Variants in CSMD1 observed in about 807,000 individuals in gnomAD.
CSMD1 encodes the protein CUB and Sushi multiple domains 1.
In CSMD1, 213 loss-of-function variants were observed where a neutral mutation model predicts 417.5. The ratio of observed to expected loss-of-function variants is 0.51; its 90% CI spans 0.46 to 0.57. The LOEUF is 0.57. Among genes scored for constraint, CSMD1 ranks in the 20% least tolerant of loss-of-function variants. The pLI, the probability that CSMD1 is intolerant of heterozygous loss-of-function variation, is 0.00. For missense variants in CSMD1, 6,923 were observed against 4,529.7 expected, an observed-to-expected ratio of 1.53 and a Z score of -15.17; for synonymous variants, 2,862 against 1,736.8, an observed-to-expected ratio of 1.65 and a Z score of -16.11.
At chr8:4,695,715 T>C (rs1248113047) in intron 1 of CSMD1, among the ~76,000 whole-genome samples, 3 of 152,176 alleles carry the variant, frequency 2.0e-5, no homozygotes, top group African/African-American at 7.2e-5. Context: ...TACTTCAGGA[T>C]TTACCGTTGG....
At chr8:4,162,185 T>A (rs1157329316) in intron 3 of CSMD1, among the ~76,000 whole-genome samples, 4 of 152,214 alleles carry the variant, frequency 2.6e-5, no homozygotes, top group African/African-American at 9.6e-5. Context: ...GCGCAACTTT[T>A]CTTTCCAAAA....
At chr8:2,944,132 C>A (rs536410677) in intron 68 of CSMD1, among the ~76,000 whole-genome samples, 1 of 152,040 alleles carries the variant, frequency 6.6e-6, no homozygotes, top group Non-Finnish European at 1.5e-5. Context: ...AGATCTGCCC[C>A]ACCATCACGC....
chr8:3,418,984 GA>G (rs1247895589), intron 12 of CSMD1, among the ~76,000 whole-genome samples: 1 of 152,170 alleles, frequency 6.6e-6, no homozygotes, highest in Non-Finnish European at 1.5e-5. Context: ...ATTTAGTCCT[GA>G]AAAATCATCT....
chr8:3,667,797 C>A (rs779601842), intron 7 of CSMD1, among the ~76,000 whole-genome samples: 1 of 152,140 alleles, frequency 6.6e-6, no homozygotes, highest in Non-Finnish European at 1.5e-5. Flanking sequence ...ATCATGGAAA[C>A]AGAAGACCCA....
intron 1 of CSMD1, among the ~76,000 whole-genome samples, chr8:4,751,918 G>C (rs1370110270): frequency 2.0e-5 from 3 of 152,132 alleles, no homozygotes; most frequent in Non-Finnish European, 4.4e-5. Context: ...TAGTTCCAGA[G>C]TCAGGAAGAT....
chr8:3,444,181 A>G (rs558524527), intron 12 of CSMD1, among the ~76,000 whole-genome samples: 2 of 152,306 alleles, frequency 1.3e-5, no homozygotes, highest in South Asian at 2.1e-4. Context: ...TAATGTTGAA[A>G]TATCATTTGC....
At chr8:3,580,743 T>C (rs1800347520) in intron 9 of CSMD1, among the ~76,000 whole-genome samples, 1 of 152,138 alleles carries the variant, frequency 6.6e-6, no homozygotes, top group South Asian at 2.1e-4. Context: ...GGTTACCTGA[T>C]CAAATACACA....
chr8:4,806,802 C>T (rs1476332479), intron 1 of CSMD1, among the ~76,000 whole-genome samples: 1 of 152,104 alleles, frequency 6.6e-6, no homozygotes, highest in Non-Finnish European at 1.5e-5. Context: ...CTTAAATTCT[C>T]ATGCTATGAA....
intron 3 of CSMD1, among the ~76,000 whole-genome samples, chr8:4,391,564 C>A (rs1222812996): frequency 1.3e-5 from 2 of 151,976 alleles, no homozygotes; most frequent in African/African-American, 4.8e-5. Flanking sequence ...TAAGACTTGG[C>A]CAGTGACTTT....
At chr8:4,353,485 T>C (rs541096562) in intron 3 of CSMD1, among the ~76,000 whole-genome samples, 1 of 152,072 alleles carries the variant, frequency 6.6e-6, no homozygotes, top group Non-Finnish European at 1.5e-5. Context: ...CATTCTTTAA[T>C]TAAAATTGGT....
At chr8:3,338,366 A>G (rs190392456) in intron 23 of CSMD1, among the ~76,000 whole-genome samples, 47 of 152,348 alleles carry the variant, frequency 3.1e-4, no homozygotes, top group Non-Finnish European at 6.3e-4. Context: ...GTAGACCCTG[A>G]CCAAGTACAT....
At chr8:4,010,984 C>T (rs1462788930) in intron 4 of CSMD1, among the ~76,000 whole-genome samples, 2 of 152,202 alleles carry the variant, frequency 1.3e-5, no homozygotes, top group African/African-American at 4.8e-5. Flanking sequence ...TATCTGTTCA[C>T]TGCTCCCTTT....
intron 51 of CSMD1, among the ~76,000 whole-genome samples, chr8:3,021,746 C>T (rs143657021): frequency 0.023 from 2,781 of 119,124 alleles, 84 homozygotes; most frequent in African/African-American, 0.07. Flanking sequence ...CTGGAATGCA[C>T]CTGCAATCCC....
At chr8:3,905,770 C>T (rs1006397498) in intron 5 of CSMD1, among the ~76,000 whole-genome samples, 2 of 152,206 alleles carry the variant, frequency 1.3e-5, no homozygotes, top group African/African-American at 2.4e-5. Flanking sequence ...TCACCCTAAA[C>T]CTTGCTCAGA....
intron 27 of CSMD1, among the ~76,000 whole-genome samples, chr8:3,227,021 T>C (rs113277900): frequency 1.3e-5 from 2 of 152,140 alleles, no homozygotes; most frequent in African/African-American, 4.8e-5. Flanking sequence ...ATCTATAAAG[T>C]GTGGTGTTTT....
Position 4,214,148 on chromosome 8 carries a change from A to G in CSMD1, c.416-182049T>C, listed in dbSNP as rs151100509. Among the ~76,000 whole-genome samples, 507 of 152,260 alleles carry G rather than the reference A, an allele frequency of 3.3e-3. 1 individual carries two copies. The highest frequency in any genetic ancestry group is 0.012 in the African/African-American group (487 of 41,550). On this transcript the variant is annotated intron_variant, in intron 3 of 69. Coordinates refer to ENST00000635120, the MANE Select transcript of CSMD1 (RefSeq NM_033225.6). Reference sequence around the variant, plus strand: ...TGTTTTGTTTTGGCTTAGTTCTTGGATCTCTACTTTGTATTTTAATTTAGC... The same window carrying G: ...TGTTTTGTTTTGGCTTAGTTCTTGGGTCTCTACTTTGTATTTTAATTTAGC...
At chr8:3,935,668 G>A (rs1440989982) in intron 5 of CSMD1, among the ~76,000 whole-genome samples, 1 of 152,154 alleles carries the variant, frequency 6.6e-6, no homozygotes, top group African/African-American at 2.4e-5. Flanking sequence ...GTCAATAAAT[G>A]TGTGTGTTCT....
chr8:4,518,155 A>C (rs1192301901), intron 2 of CSMD1, among the ~76,000 whole-genome samples: 1 of 152,192 alleles, frequency 6.6e-6, no homozygotes, highest in Non-Finnish European at 1.5e-5. Flanking sequence ...ACTTGCCATA[A>C]GACAAGAAGA....
chr8:3,838,354 C>T (rs1045276382), intron 5 of CSMD1, among the ~76,000 whole-genome samples: 6 of 151,424 alleles, frequency 4.0e-5, no homozygotes, highest in African/African-American at 7.3e-5. Context: ...TGGGTGATGT[C>T]GTGAGACACT....
Sources: gnomAD v4.1 joint callset for allele counts (sites outside exome capture counted in the v4.1 genomes callset) on GRCh38, gnomAD v4.1.1 for gene constraint, MANE v1.5 for transcripts, NCBI Gene and HGNC (gene_info 2026-07-23, HGNC 2026-07-21) for gene names.